Variants in TENM2 observed in about 807,000 individuals in gnomAD.
TENM2 encodes teneurin transmembrane protein 2.
In TENM2, 52 loss-of-function variants were observed where a neutral mutation model predicts 245.2. The ratio of observed to expected loss-of-function variants is 0.21; its 90% confidence interval spans 0.17 to 0.27. The LOEUF (loss-of-function observed/expected upper bound fraction) is 0.27. Ranked by LOEUF, TENM2 falls within the 10% of genes least tolerant of loss-of-function variation. TENM2 has a pLI of 1.00. For missense variants in TENM2, 3,046 were observed against 3,666.8 expected (o/e 0.83, Z 4.37); for synonymous variants, 1,363 against 1,438.9 (o/e 0.95, Z 1.19).
At chr5:168,199,623 C>T (rs1341753034) in intron 16 of TENM2, among the ~76,000 whole-genome samples, 1 of 152,156 alleles carries the variant, frequency 6.6e-6, no homozygotes, top group Non-Finnish European at 1.5e-5. Context: ...TAAAAAGAAA[C>T]ACAACAGTGA....
intron 2 of TENM2, among the ~76,000 whole-genome samples, chr5:167,869,344 C>T (rs561744586): frequency 1.4e-4 from 22 of 152,244 alleles, no homozygotes; most frequent in African/African-American, 4.1e-4. Context: ...GAGTGTAAGG[C>T]GACTCTAGGT....
chr5:167,952,536 C>A, intron 3 of TENM2, 52 bp from the exon 6 acceptor site: 1 of 1,456,046 alleles, frequency 6.9e-7, no homozygotes, highest in Non-Finnish European at 9.4e-7. Flanking sequence ...TTGCAGAGTG[C>A]CTGAGACTGG....
At chr5:168,143,843 C>CTTT (rs70976464) in intron 12 of TENM2, among the ~76,000 whole-genome samples, 1,593 of 102,422 alleles carry the variant, frequency 0.016, 77 homozygotes, top group African/African-American at 0.029. Context: ...TACTACACTT[C>CTTT]TTTTTTTTTT....
chr5:167,303,827 C>T (rs950826394), intron 1 of TENM2, among the ~76,000 whole-genome samples: 5 of 152,114 alleles, frequency 3.3e-5, no homozygotes, highest in African/African-American at 1.2e-4. Context: ...ATGGTGGGGA[C>T]TGTTCTGATT....
intron 2 of TENM2, among the ~76,000 whole-genome samples, chr5:167,675,789 A>G (rs1756280523): frequency 6.6e-6 from 1 of 152,082 alleles, no homozygotes; most frequent in South Asian, 2.1e-4. Flanking sequence ...AACAGAAGCA[A>G]TTGTTATGTT....
chr5:167,650,354 G>A (rs1754370209), intron 2 of TENM2, among the ~76,000 whole-genome samples: 3 of 152,154 alleles, frequency 2.0e-5, no homozygotes, highest in Admixed American at 2.0e-4. Context: ...TGGCCTAAAG[G>A]CTAAAGGAGA....
At chr5:168,220,600 TTTTC>T (rs375185826) in intron 23 of TENM2, among the ~76,000 whole-genome samples, 3 of 152,306 alleles carry the variant, frequency 2.0e-5, no homozygotes, top group African/African-American at 7.2e-5. Flanking sequence ...ATGTATAGGG[TTTTC>T]TTTTCTACCT....
chr5:167,267,913 CAGGCAACAAAG>C, the TENM2 span, among the ~76,000 whole-genome samples: 2 of 150,860 alleles, frequency 1.3e-5, no homozygotes, highest in Admixed American at 6.7e-5. Flanking sequence ...ATAGTAAGGA[CAGGCAACAAAG>C]AGTCTTTTTA....
chr5:167,686,003 C>T (rs1281007901), intron 2 of TENM2, among the ~76,000 whole-genome samples: 2 of 152,072 alleles, frequency 1.3e-5, no homozygotes, highest in Non-Finnish European at 2.9e-5. Context: ...ACATCCTCGT[C>T]AGTAAAATGG....
chr5:167,668,187 G>A (rs192908232), intron 2 of TENM2, among the ~76,000 whole-genome samples: 23 of 152,202 alleles, frequency 1.5e-4, no homozygotes, highest in Admixed American at 8.5e-4. Flanking sequence ...GGGCTGCTTC[G>A]TTTATTTAAG....
the TENM2 span, among the ~76,000 whole-genome samples, chr5:167,027,633 C>G: frequency 6.6e-6 from 1 of 151,932 alleles, no homozygotes; most frequent in Non-Finnish European, 1.5e-5. Flanking sequence ...ATTTATTGAT[C>G]TTTTTCCTGA....
chr5:168,207,743 C>T (rs568412437), intron 19 of TENM2, among the ~76,000 whole-genome samples: 75 of 152,254 alleles, frequency 4.9e-4, no homozygotes, highest in South Asian at 2.3e-3. Flanking sequence ...ATCCCTATCT[C>T]GCTTACCCAC....
Position 167,621,122 on chromosome 5 carries a change from G to C in TENM2, c.502+245649G>C, listed in dbSNP as rs560665540. 5.9e-5 allele frequency among the ~76,000 whole-genome samples: 9 copies of C among 152,220 alleles called. No individual in the cohort carries two copies. The East Asian group carries it at 1.7e-3, about 29-fold the overall frequency. On this transcript the variant is annotated intron_variant, in intron 2 of 28. Transcript: ENST00000518659. ...AAGTATTTAATAAGTGATGATGTGG[G>C]CCAGATATTATACTCGGAGCAAAGT...
intron 1 of TENM2, among the ~76,000 whole-genome samples, chr5:167,367,843 T>C (rs1013655878): frequency 5.9e-5 from 9 of 152,154 alleles, no homozygotes; most frequent in African/African-American, 2.2e-4. Flanking sequence ...ACATTTTTCT[T>C]GATAACTTTC....
At chr5:167,839,672 T>C (rs1769311894) in intron 2 of TENM2, among the ~76,000 whole-genome samples, 6 of 152,190 alleles carry the variant, frequency 3.9e-5, no homozygotes, top group Admixed American at 3.9e-4. Flanking sequence ...ATATTGAAAA[T>C]ATACCCCTTA....
chr5:168,203,165 C>T (rs925451466), intron 17 of TENM2, among the ~76,000 whole-genome samples: 6 of 152,224 alleles, frequency 3.9e-5, no homozygotes, highest in African/African-American at 1.4e-4. Flanking sequence ...TCTCCTGGCA[C>T]TTTCTGGAAT....
chr5:168,137,928 A>G lies in TENM2; in HGVS notation c.2422+10962A>G, dbSNP rs186351504. On this transcript the variant is annotated intron_variant, in intron 12 of 28. Transcript: ENST00000518659. ...GATACAGGAAGTGTTATCGTATCCT[A>G]GAGAGAAGCCTAGCACAGACAACAG... Among the ~76,000 whole-genome samples, 19 of 152,330 alleles carry G rather than the reference A, an allele frequency of 1.2e-4. No individual in the cohort carries two copies. In the East Asian group the frequency reaches 3.1e-3, roughly 25 times the overall value.
In TENM2 at chr5:167,831,115, T is replaced by C. The variant is rs76148974; in HGVS notation, c.503-44871T>C. On this transcript the variant is annotated intron_variant, in intron 2 of 28. Coordinates refer to ENST00000518659, the Ensembl canonical transcript of TENM2. ...CAGGCTGTCTTCCTCTTTTTCTTCT[T>C]CTTCTCCTTCTCTCTTCCTTCTCCT... Among the ~76,000 whole-genome samples, 873 of 152,238 alleles carry C rather than the reference T, an allele frequency of 5.7e-3. 9 individuals carry two copies. The highest frequency in any genetic ancestry group is 0.02 in the African/African-American group (820 of 41,556).
chr5:167,592,578 T>A (rs998816354), intron 2 of TENM2, among the ~76,000 whole-genome samples: 24 of 152,338 alleles, frequency 1.6e-4, no homozygotes, highest in African/African-American at 4.8e-4. Context: ...ATTGTGAAGT[T>A]GTTTTACTTA....
Sources: gnomAD v4.1 joint callset for allele counts (sites outside exome capture counted in the v4.1 genomes callset) on GRCh38, gnomAD v4.1.1 for gene constraint, MANE v1.5 for transcripts, NCBI Gene and HGNC (gene_info 2026-07-23, HGNC 2026-07-21) for gene names.